The following MRPS17 variants were observed in gnomAD, a reference collection of about 807,000 sequenced individuals.
MRPS17 encodes small ribosomal subunit protein uS17m.
MRPS17 carries 6 observed loss-of-function variants against 11.3 expected under a neutral mutation model. The ratio of observed to expected loss-of-function variants is 0.53; its 90% confidence interval spans 0.29 to 1.05. MRPS17 has a LOEUF of 1.05. MRPS17 is among the 50% of genes least tolerant of loss of function. The pLI is 0.08. For synonymous variants in MRPS17, 56 were observed against 60.4 expected (o/e 0.93, Z 0.34); for missense variants, 139 against 153.6 (o/e 0.90, Z 0.50).
Position 55,955,648 on chromosome 7 carries a change from C to T in MRPS17, c.*470C>T, listed in dbSNP as rs968086817. ...ATTTTTAGTAGAGACGGGGTTTCAC[C>T]GTGTTAGCCAGGATGGTCTTGATCT... On this transcript the variant is annotated 3_prime_UTR_variant, in exon 3 of 3. Transcript: ENST00000285298. The T allele has an allele frequency of 2.5e-5, 4 of 159,738 alleles. No individual in the cohort carries two copies. The highest frequency in any genetic ancestry group is 1.9e-4 in the East Asian group (1 of 5,352). The allele number at this position is 159,738 out of a possible 1,614,324, so 9.9% of individuals were successfully genotyped here.
Position 55,955,390 on chromosome 7 carries a change from C to A in MRPS17, c.*212C>A. 1 of 598,834 alleles carries A rather than the reference C, an allele frequency of 1.7e-6. No homozygotes were observed. The highest frequency in any genetic ancestry group is 2.9e-6 in the Non-Finnish European group (1 of 345,600). 37.1% of individuals were successfully genotyped at this position (598,834 alleles called of 1,614,324 possible). On this transcript the variant is annotated 3_prime_UTR_variant, in exon 3 of 3. Coordinates refer to ENST00000285298, the MANE Select transcript of MRPS17 (RefSeq NM_015969.3). ...TTCATCATTTCAGTGAACATACTTC[C>A]ACGTTACATTAAGTGTGCCTAGCAG...
chr7:55,954,544 A>G (rs887328212), intron 2 of MRPS17, among the ~76,000 whole-genome samples: 4 of 152,188 alleles, frequency 2.6e-5, no homozygotes, highest in African/African-American at 9.7e-5. Context: ...CCTGGCCAAC[A>G]TGGTGAAACC....
In MRPS17 at chr7:55,954,921, C is replaced by T; in HGVS notation, c.136C>T (p.Arg46Trp). Reference protein sequence around the residue: ...DPYLLKYFNKRKTYFAHDALQ... With the variant: ...DPYLLKYFNKWKTYFAHDALQ... Reference sequence around the variant, plus strand: ...CCTCTCTCAACAGTATTTTAATAAGCGGAAAACCTACTTTGCTCACGATGC... The same window carrying T: ...CCTCTCTCAACAGTATTTTAATAAGTGGAAAACCTACTTTGCTCACGATGC... Residue 46 changes from arginine (R) to tryptophan (W), a missense_variant, in exon 3 of 3, where the codon CGG becomes TGG. Transcript: ENST00000285298. 14 of 1,613,478 alleles carry T rather than the reference C, an allele frequency of 8.7e-6. No individual in the cohort carries two copies. The highest frequency in any genetic ancestry group is 1.7e-5 in the Admixed American group (1 of 59,962).
chr7:55,954,727 C>T (rs890161454), intron 2 of MRPS17, among the ~76,000 whole-genome samples, 182 bp from the exon 3 acceptor site: 10 of 152,162 alleles, frequency 6.6e-5, no homozygotes, highest in African/African-American at 2.4e-4. Context: ...AGCGAGAATC[C>T]ATCTCACTGG....
chr7:55,954,874 G>A (rs1176541310), intron 2 of MRPS17, 35 bp from the exon 3 acceptor site: 2 of 1,600,750 alleles, frequency 1.2e-6, no homozygotes, highest in East Asian at 4.5e-5. Flanking sequence ...TCACAGATGG[G>A]AACTACTGAT....
chr7:55,953,712 C>T (rs184932547), intron 2 of MRPS17, among the ~76,000 whole-genome samples: 1 of 152,302 alleles, frequency 6.6e-6, no homozygotes, highest in East Asian at 1.9e-4. Flanking sequence ...ATCCTAGCTA[C>T]TCTGGAGGCT....
Position 55,953,274 on chromosome 7 carries a change from A to T in MRPS17, c.79A>T (p.Lys27Ter), listed in dbSNP as rs1215873495. 1 of 1,614,218 alleles carries T rather than the reference A, an allele frequency of 6.2e-7. No homozygotes were observed. The change falls in exon 2 of 3, where the codon AAA becomes TAA. Residue 27 changes from lysine (K) to a stop codon, truncating the protein, a stop_gained. Transcript: ENST00000285298. LOFTEE classifies it high-confidence loss of function. ...TGGGACAAAAATGCAAAAGACTGCT[A>T]AAGTGAGAGTGACCAGGCTTGTTCT... is the stretch of plus-strand genomic sequence containing the variant. ...VIGTKMQKTA[K>*]VRVTRLVLDP...
chr7:55,952,405 G>A (rs1413440697), intron 1 of MRPS17: 1 of 152,340 alleles, frequency 6.6e-6, no homozygotes, highest in Non-Finnish European at 1.5e-5. Context: ...AAAGATGAGA[G>A]GTTGGGTAGT....
chr7:55,952,494 G>A (rs924062442), intron 1 of MRPS17, among the ~76,000 whole-genome samples: 2 of 151,970 alleles, frequency 1.3e-5, no homozygotes, highest in Non-Finnish European at 2.9e-5. Context: ...AGCACTTTGG[G>A]AGGCTTGAGG....
In MRPS17 at chr7:55,956,122, A is replaced by G. The variant is rs1703945327; in HGVS notation, c.*944A>G. 6.6e-6 allele frequency: 1 copy of G among 151,446 alleles called. No individual in the cohort carries two copies. The highest frequency in any genetic ancestry group is 2.4e-5 in the African/African-American group (1 of 41,302). 9.4% of individuals were successfully genotyped at this position (151,446 alleles called of 1,614,324 possible). ...CTTAGAACCTTTATTTTGAAGGAAG[A>G]AAGTCTTTTTTTTTTTTGAGCTGGA... On this transcript the variant is annotated 3_prime_UTR_variant, in exon 3 of 3. Coordinates refer to ENST00000285298, the MANE Select transcript of MRPS17 (RefSeq NM_015969.3).
At chr7:55,953,827 C>A (rs993620849) in intron 2 of MRPS17, among the ~76,000 whole-genome samples, 2 of 152,176 alleles carry the variant, frequency 1.3e-5, no homozygotes, top group African/African-American at 2.4e-5. Flanking sequence ...CTACCATGCA[C>A]AATTCACAAT....
intron 1 of MRPS17, among the ~76,000 whole-genome samples, chr7:55,952,893 G>T (rs1347845170): frequency 1.3e-5 from 2 of 151,554 alleles, no homozygotes; most frequent in Non-Finnish European, 2.9e-5. Context: ...TTAGCCGGGC[G>T]TTGTGGCGGG....
chr7:55,952,963 C>T (rs1786666812), intron 1 of MRPS17, among the ~76,000 whole-genome samples: 1 of 151,842 alleles, frequency 6.6e-6, no homozygotes, highest in Admixed American at 6.6e-5. Context: ...ACCCAGGAGG[C>T]GGCGTTTGCA....
rs1382570255 is a variant in MRPS17, at chr7:55,953,753, C to T, written c.123+435C>T. ...AGGAGAATCTCTTGAAGCCGGGAGG[C>T]GGAGGTTGCAATGAGCCACAATTGT... On this transcript the variant is annotated intron_variant, in intron 2 of 2. Transcript: ENST00000285298. Among the ~76,000 whole-genome samples the T allele has an allele frequency of 2.0e-5, 3 of 152,118 alleles. No homozygotes were observed. The East Asian group carries it at 5.8e-4, about 29-fold the overall frequency.
intron 1 of MRPS17, among the ~76,000 whole-genome samples, 164 bp from the exon 2 acceptor site, chr7:55,953,013 CAG>C (rs760247392): frequency 3.7e-4 from 56 of 151,724 alleles, no homozygotes; most frequent in Non-Finnish European, 7.7e-4. Context: ...GCCTGGGCGA[CAG>C]AGAGAGACTA....
chr7:55,955,363 T>A lies in MRPS17; in HGVS notation c.*185T>A. On this transcript the variant is annotated 3_prime_UTR_variant, in exon 3 of 3. Coordinates refer to ENST00000285298, the MANE Select transcript of MRPS17 (RefSeq NM_015969.3). ...CAAAGGTTTATGGTCGTGTTTCAAA[T>A]TTTCATCATTTCAGTGAACATACTT... 2 of 711,956 alleles carry A rather than the reference T, an allele frequency of 2.8e-6. No individual in the cohort carries two copies. Among genetic ancestry groups the A allele is most frequent in the Non-Finnish European group, 4.6e-6 (2 of 436,908 alleles). The allele number at this position is 711,956 out of a possible 1,614,324, so 44.1% of individuals were successfully genotyped here. A position where few individuals can be genotyped will look rare whatever the true frequency, so the allele number is the denominator to read the frequency against.
intron 2 of MRPS17, among the ~76,000 whole-genome samples, chr7:55,953,543 C>T (rs779580910): frequency 2.6e-5 from 4 of 152,116 alleles, no homozygotes; most frequent in African/African-American, 4.8e-5. Flanking sequence ...AAGTACTGGC[C>T]GGATGAGGTG....
chr7:55,953,079 A>G (rs957134275), intron 1 of MRPS17, 100 bp from the exon 2 acceptor site: 3 of 1,371,652 alleles, frequency 2.2e-6, no homozygotes, highest in South Asian at 2.8e-5. Flanking sequence ...GGAACGAAAA[A>G]GAAAAAAACT....
intron 2 of MRPS17, 91 bp from the exon 3 acceptor site, chr7:55,954,818 T>A: frequency 6.8e-7 from 1 of 1,467,564 alleles, no homozygotes; most frequent in Non-Finnish European, 9.3e-7. Context: ...AGTCCTGGCT[T>A]GTTTTCCATA....
Sources: gnomAD v4.1 joint callset for allele counts (sites outside exome capture counted in the v4.1 genomes callset) on GRCh38, gnomAD v4.1.1 for gene constraint, MANE v1.5 for transcripts, NCBI Gene and HGNC (gene_info 2026-07-23, HGNC 2026-07-21) for gene names.